The following PIEZO2 variants were observed in gnomAD, a reference collection of about 807,000 sequenced individuals.
PIEZO2 encodes the protein piezo-type mechanosensitive ion channel component 2.
A neutral mutation model predicts 337.3 loss-of-function variants in PIEZO2; 172 were observed. The ratio of observed to expected loss-of-function variants is 0.51; its 90% confidence interval spans 0.45 to 0.58. The LOEUF (loss-of-function observed/expected upper bound fraction) is 0.58, where lower values mean the gene tolerates loss of function less well. PIEZO2 is among the 20% of genes least tolerant of loss of function. The pLI is 0.00. For synonymous variants in PIEZO2, 1,251 were observed against 1,228.5 expected (o/e 1.02, Z -0.38); for missense variants, 3,028 against 3,391.3 (o/e 0.89, Z 2.66).
chr18:10,948,843 T>C (rs1171124584), intron 3 of PIEZO2, among the ~76,000 whole-genome samples: 1 of 152,196 alleles, frequency 6.6e-6, no homozygotes, highest in Non-Finnish European at 1.5e-5. Flanking sequence ...AATACACAAA[T>C]ACATTAAATG....
Position 10,895,650 on chromosome 18 carries a change from C to T in PIEZO2, c.329+15536G>A, listed in dbSNP as rs1351116841. ...TCAGGATTTGCATTGGAGTGATCCT[C>T]AGTTTAACACCTGGGAAATGGGGCG... On this transcript the variant is annotated intron_variant, in intron 4 of 55. Transcript: ENST00000674853. This position sits in a 1 kb window ranked among gnomAD's most constrained non-coding sequence, Gnocchi z 4.8. Among the ~76,000 whole-genome samples, 1 of 152,114 alleles carries T rather than the reference C, an allele frequency of 6.6e-6. No homozygotes were observed. Among genetic ancestry groups the T allele is most frequent in the East Asian group, 1.9e-4 (1 of 5,178 alleles).
chr18:10,802,972 CAAAAAAA>C (rs71362185), intron 9 of PIEZO2, among the ~76,000 whole-genome samples: 1 of 127,532 alleles, frequency 7.8e-6, no homozygotes, highest in Non-Finnish European at 1.6e-5. Flanking sequence ...ACTCTGTTGC[CAAAAAAA>C]AAAAAAAAAG....
At chr18:11,122,700 G>A (rs531703095) in intron 1 of PIEZO2, among the ~76,000 whole-genome samples, 1 of 152,222 alleles carries the variant, frequency 6.6e-6, no homozygotes. Context: ...CAGAGTTCTA[G>A]TCCTTGAATA....
At chr18:10,715,184 T>C (rs1210636558) in intron 38 of PIEZO2, among the ~76,000 whole-genome samples, 2 of 152,276 alleles carry the variant, frequency 1.3e-5, no homozygotes, top group African/African-American at 4.8e-5. Context: ...ATATGAACTA[T>C]TATTTTAAAA....
intron 35 of PIEZO2, among the ~76,000 whole-genome samples, chr18:10,732,839 C>T (rs1017248841): frequency 6.6e-6 from 1 of 152,144 alleles, no homozygotes; most frequent in African/African-American, 2.4e-5. Context: ...AGCAACTTGC[C>T]TCTGCACAAT....
chr18:10,691,253 T>G lies in PIEZO2; in HGVS notation c.7321A>C (p.Asn2441His). The change falls in exon 48 of 56, where the codon AAT becomes CAT. Residue 2441 changes from asparagine (N) to histidine (H), a missense_variant. By Grantham distance (68) the Asn-to-His change is moderately conservative (BLOSUM62 1). Transcript: ENST00000674853. ...TGGAATAAGAAGAGGTTGACGTAAT[T>G]GTAGCTCTTGGTGAGGAAGTTCCCC... ...VLGNFLTKSY[N>H]YVNLFLFQGF... 1 of 1,613,940 alleles carries G rather than the reference T, an allele frequency of 6.2e-7. No individual in the cohort carries two copies. Among genetic ancestry groups the G allele is most frequent in the South Asian group, 1.1e-5 (1 of 90,988 alleles).
intron 3 of PIEZO2, among the ~76,000 whole-genome samples, chr18:10,934,370 T>C (rs1301958614): frequency 6.6e-6 from 1 of 152,206 alleles, no homozygotes. Flanking sequence ...GGTCCATGAC[T>C]GTGTTCAGGC....
At chr18:10,985,181 T>A (rs1215941649) in intron 2 of PIEZO2, among the ~76,000 whole-genome samples, 1 of 152,008 alleles carries the variant, frequency 6.6e-6, no homozygotes, top group Non-Finnish European at 1.5e-5. Context: ...ATTTTCAAAA[T>A]CAGAATACCG....
rs2039269148 is a variant in PIEZO2 at position 11,096,584 on chromosome 18, GAAGTGGTTGACCTTT to G, written c.65-30377_65-30363del. On this transcript the variant is annotated intron_variant, in intron 1 of 55. Coordinates refer to ENST00000674853, the MANE Select transcript of PIEZO2 (RefSeq NM_001378183.1). This position sits in a 1 kb window ranked among gnomAD's most constrained non-coding sequence, Gnocchi z 4.6. ...CTGCAGGGATTTCCAAGAGAAACAG[GAAGTGGTTGACCTTT>G]AAATTTCTCAGATTTATGGCTTATT... 6.6e-6 allele frequency among the ~76,000 whole-genome samples: 1 copy of G among 152,190 alleles called. No individual in the cohort carries two copies. Among genetic ancestry groups the G allele is most frequent in the African/African-American group, 2.4e-5 (1 of 41,440 alleles).
At chr18:10,732,353 T>C (rs1222961402) in intron 35 of PIEZO2, among the ~76,000 whole-genome samples, 1 of 152,240 alleles carries the variant, frequency 6.6e-6, no homozygotes, top group African/African-American at 2.4e-5. Context: ...TTTTTCATTA[T>C]GATGATAAAG....
intron 16 of PIEZO2, among the ~76,000 whole-genome samples, chr18:10,786,245 C>T (rs1318458185): frequency 1.3e-5 from 2 of 152,230 alleles, no homozygotes; most frequent in African/African-American, 2.4e-5. Flanking sequence ...ACTTATTTTA[C>T]ACTAAATAGT....
intron 5 of PIEZO2, among the ~76,000 whole-genome samples, chr18:10,858,009 T>TTTCTTTC (rs1568135804): frequency 7.3e-6 from 1 of 137,196 alleles, no homozygotes; most frequent in African/African-American, 2.9e-5. Context: ...TTCTTTCTTT[T>TTTCTTTC]TTTTTTTTTT....
intron 21 of PIEZO2, 37 bp from the exon 22 acceptor site, chr18:10,763,135 G>T: frequency 6.6e-7 from 1 of 1,520,040 alleles, no homozygotes; most frequent in South Asian, 1.2e-5. Context: ...ACAAAAATAC[G>T]TAACACGGCA....
In PIEZO2 at chr18:10,784,966, C is replaced by T; in HGVS notation, c.2319-9G>A. 6.6e-7 allele frequency: 1 copy of T among 1,525,246 alleles called. No homozygotes were observed. 94.5% of individuals were successfully genotyped at this position (1,525,246 alleles called of 1,614,324 possible). On this transcript the variant is annotated splice_polypyrimidine_tract_variant and intron_variant, in intron 16 of 55. Coordinates refer to ENST00000674853, the MANE Select transcript of PIEZO2 (RefSeq NM_001378183.1). This position sits in a 1 kb window ranked among gnomAD's most constrained non-coding sequence, Gnocchi z 4.5. ...AGCCAAGATCCTCAAGCCTGCAAAA[C>T]AAAACAAAATAAAAAGCAGGAACCT...
In PIEZO2 at chr18:11,134,495, A is replaced by G. The variant is rs115886711; in HGVS notation, c.64+14030T>C. Among the ~76,000 whole-genome samples, 494 of 152,224 alleles carry G rather than the reference A, an allele frequency of 3.2e-3. 1 individual carries two copies. Among genetic ancestry groups the G allele is most frequent in the African/African-American group, 0.011 (465 of 41,542 alleles). ...TTCATGCTCACACCTGAAAAGTGAGATTTCTGGTCTTCTAAAAAGGCCCTC... is the reference window on the plus strand; with the variant it reads ...TTCATGCTCACACCTGAAAAGTGAGGTTTCTGGTCTTCTAAAAAGGCCCTC... On this transcript the variant is annotated intron_variant, in intron 1 of 55. Transcript: ENST00000674853.
chr18:10,917,469 G>A (rs903158092), intron 3 of PIEZO2, among the ~76,000 whole-genome samples: 5 of 152,104 alleles, frequency 3.3e-5, no homozygotes, highest in African/African-American at 7.2e-5. Context: ...TGGTCATCAT[G>A]TTTCTTCATT....
intron 1 of PIEZO2, among the ~76,000 whole-genome samples, chr18:11,119,823 A>C (rs1598989493): frequency 1.3e-5 from 2 of 152,314 alleles, no homozygotes; most frequent in Admixed American, 1.3e-4. Context: ...AAATGCATTA[A>C]ACTATTAGTC....
chr18:10,910,898 T>C (rs1014809652), intron 4 of PIEZO2, among the ~76,000 whole-genome samples: 1 of 151,980 alleles, frequency 6.6e-6, no homozygotes, highest in Admixed American at 6.6e-5. Context: ...CCTGGGATTC[T>C]CTAATTCTGT....
At chr18:10,694,938 G>A (rs1434801775) in intron 47 of PIEZO2, among the ~76,000 whole-genome samples, 1 of 152,222 alleles carries the variant, frequency 6.6e-6, no homozygotes, top group African/African-American at 2.4e-5. Flanking sequence ...GATGATGGCA[G>A]CTTCACTGGA....
Sources: gnomAD v4.1 joint callset for allele counts (sites outside exome capture counted in the v4.1 genomes callset) on GRCh38, gnomAD v4.1.1 for gene constraint, Gnocchi (gnomAD v3.1) non-coding constraint, MANE v1.5 for transcripts, NCBI Gene and HGNC (gene_info 2026-07-23, HGNC 2026-07-21) for gene names.